The following ZNF385D variants were observed in gnomAD, a reference collection of about 807,000 sequenced individuals.
ZNF385D encodes zinc finger protein 385D, also known as zinc finger protein 659.
Under a neutral mutation model 35.8 loss-of-function variants are expected in ZNF385D, and 15 were observed. The observed-to-expected ratio is 0.42, with a 90% CI of 0.28 to 0.64. ZNF385D has a LOEUF of 0.64. ZNF385D is among the 30% of genes least tolerant of loss of function. The pLI, the probability that ZNF385D is intolerant of heterozygous loss-of-function variation, is 0.23. For synonymous variants in ZNF385D, 212 were observed against 186.8 expected (o/e 1.13, Z -1.10); for missense variants, 474 against 494.6 (o/e 0.96, Z 0.39).
chr3:21,928,148 T>C (rs753278125), intron 3 of ZNF385D, among the ~76,000 whole-genome samples: 6 of 151,852 alleles, frequency 4.0e-5, no homozygotes, highest in Admixed American at 6.6e-5. Flanking sequence ...GTGTTCACAG[T>C]TGTAGTGTGC....
intron 4 of ZNF385D, among the ~76,000 whole-genome samples, chr3:21,474,863 T>A (rs1350528283): frequency 6.6e-6 from 1 of 152,092 alleles, no homozygotes; most frequent in African/African-American, 2.4e-5. Context: ...TCATGACATG[T>A]TTTTTTGAAT....
chr3:21,555,176 T>G (rs1030944219), intron 3 of ZNF385D, among the ~76,000 whole-genome samples: 1 of 152,096 alleles, frequency 6.6e-6, no homozygotes, highest in African/African-American at 2.4e-5. Context: ...AAAAGATGTG[T>G]GACTCTTTCT....
chr3:22,171,723 A>C (rs1490232914), intron 2 of ZNF385D, among the ~76,000 whole-genome samples: 2 of 151,852 alleles, frequency 1.3e-5, no homozygotes, highest in African/African-American at 4.8e-5. Context: ...AAAAAATACA[A>C]GAAATTAGCC....
intron 2 of ZNF385D, among the ~76,000 whole-genome samples, chr3:21,611,858 G>C (rs2064689557): frequency 6.6e-6 from 1 of 151,806 alleles, no homozygotes; most frequent in African/African-American, 2.4e-5. Context: ...ACCTTGACTG[G>C]AAGGATAGAC....
At chr3:21,512,145 C>CA (rs35276805) in intron 3 of ZNF385D, among the ~76,000 whole-genome samples, 29,323 of 90,136 alleles carry the variant, frequency 0.33, 5,124 homozygotes, top group African/African-American at 0.46. Context: ...GACTCCATCT[C>CA]AAAAAAAAAA....
intron 3 of ZNF385D, among the ~76,000 whole-genome samples, chr3:21,555,735 A>G (rs1466850251): frequency 6.6e-6 from 1 of 152,018 alleles, no homozygotes; most frequent in East Asian, 1.9e-4. Flanking sequence ...ACCCAGTAAT[A>G]AGATTGCTGG....
chr3:21,944,804 T>A (rs1701694787), intron 3 of ZNF385D, among the ~76,000 whole-genome samples: 1 of 152,132 alleles, frequency 6.6e-6, no homozygotes, highest in African/African-American at 2.4e-5. Context: ...ACATTTAATT[T>A]TTTCCAGAAT....
intron 3 of ZNF385D, among the ~76,000 whole-genome samples, chr3:21,834,175 G>C (rs769533851): frequency 1.3e-5 from 2 of 152,102 alleles, no homozygotes; most frequent in Non-Finnish European, 2.9e-5. Context: ...ACTGATGTTT[G>C]CTTACCTCCA....
chr3:21,652,011 T>C (rs2065930872), intron 2 of ZNF385D, among the ~76,000 whole-genome samples: 2 of 152,190 alleles, frequency 1.3e-5, no homozygotes, highest in Admixed American at 1.3e-4. Context: ...CTCAATCAGA[T>C]TCCATTAGAA....
intron 2 of ZNF385D, among the ~76,000 whole-genome samples, chr3:22,202,153 G>T (rs1200551534): frequency 1.1e-4 from 17 of 151,964 alleles, no homozygotes; most frequent in African/African-American, 4.1e-4. Context: ...TGTATTCATA[G>T]TTAACTATTA....
chr3:22,036,709 GTTTTT>G (rs769311209), intron 3 of ZNF385D, among the ~76,000 whole-genome samples: 1 of 133,798 alleles, frequency 7.5e-6, no homozygotes, highest in Non-Finnish European at 1.6e-5. Flanking sequence ...GCCCTACTAG[GTTTTT>G]TTTTTTTTTT....
chr3:22,198,313 C>A (rs546581651), intron 2 of ZNF385D, among the ~76,000 whole-genome samples: 2 of 152,114 alleles, frequency 1.3e-5, no homozygotes, highest in East Asian at 3.9e-4. Context: ...GATGTTGAGG[C>A]AACCACTGAT....
At chr3:22,226,357 G>A (rs886314635) in intron 2 of ZNF385D, among the ~76,000 whole-genome samples, 3 of 152,036 alleles carry the variant, frequency 2.0e-5, no homozygotes, top group African/African-American at 7.2e-5. Flanking sequence ...ACAATGGGAA[G>A]GACTGCCATT....
intron 3 of ZNF385D, among the ~76,000 whole-genome samples, chr3:22,139,328 C>T (rs545086507): frequency 1.3e-3 from 194 of 152,190 alleles, no homozygotes; most frequent in Middle Eastern, 6.8e-3. Context: ...ATGTTTAATG[C>T]GGCAGTATTC....
chr3:21,730,854 A>G (rs2068962681), intron 1 of ZNF385D, among the ~76,000 whole-genome samples: 1 of 151,940 alleles, frequency 6.6e-6, no homozygotes, highest in Non-Finnish European at 1.5e-5. Flanking sequence ...CAAAATACAG[A>G]TATGCTTATT....
chr3:21,815,120 G>A (rs1279359326), intron 3 of ZNF385D, among the ~76,000 whole-genome samples: 1 of 152,178 alleles, frequency 6.6e-6, no homozygotes, highest in African/African-American at 2.4e-5. Context: ...AAATAAAGAT[G>A]TTCTTTGAAA....
At chr3:21,714,433 C>A (rs1230713233) in intron 1 of ZNF385D, among the ~76,000 whole-genome samples, 1 of 152,172 alleles carries the variant, frequency 6.6e-6, no homozygotes, top group Non-Finnish European at 1.5e-5. Flanking sequence ...ATGGAAACAA[C>A]AGAAGATAAG....
intron 4 of ZNF385D, among the ~76,000 whole-genome samples, chr3:21,456,625 T>C (rs895961199): frequency 2.6e-5 from 4 of 152,114 alleles, no homozygotes; most frequent in African/African-American, 7.2e-5. Context: ...TTAGGAGATA[T>C]ACCTAATGTA....
At position 22,123,756 on chromosome 3, in the gene ZNF385D, G is replaced by A. The variant is rs138054283; in HGVS notation, c.325+45061C>T. ...GGCACCTGTAATCTCAGCTACTCGGGAGGCCGAGGCAGGGAGAATTGCTTG... is the reference window on the plus strand; with the variant it reads ...GGCACCTGTAATCTCAGCTACTCGGAAGGCCGAGGCAGGGAGAATTGCTTG... On this transcript the variant is annotated intron_variant, in intron 3 of 5. Coordinates refer to the ZNF385D transcript ENST00000494108. Among the ~76,000 whole-genome samples the A allele has an allele frequency of 8.3e-3, 1,269 of 152,164 alleles. 11 individuals carry two copies. The highest frequency in any genetic ancestry group is 0.022 in the South Asian group (108 of 4,818).
Sources: gnomAD v4.1 joint callset for allele counts (sites outside exome capture counted in the v4.1 genomes callset) on GRCh38, gnomAD v4.1.1 for gene constraint, MANE v1.5 for transcripts, NCBI Gene and HGNC (gene_info 2026-07-23, HGNC 2026-07-21) for gene names.